KCNH7: variants seen among roughly 807,000 people sequenced by gnomAD.
The protein encoded by KCNH7 is potassium voltage-gated channel subfamily H member 7.
KCNH7 carries 49 observed loss-of-function variants against 120.8 expected under a neutral mutation model. The ratio of observed to expected loss-of-function variants is 0.41; its 90% confidence interval spans 0.32 to 0.51. KCNH7 has a LOEUF of 0.51. Ranked by LOEUF, KCNH7 falls within the 20% of genes least tolerant of loss-of-function variation. The probability of loss-of-function intolerance (pLI) is 0.38; values close to 1 mark genes in which losing one functional copy is unlikely to be tolerated. For synonymous variants in KCNH7, 547 were observed against 516.1 expected (o/e 1.06, Z -0.81); for missense variants, 1,097 against 1,446.6 (o/e 0.76, Z 3.92).
At chr2:162,802,564 A>G (rs1376973789) in intron 2 of KCNH7, among the ~76,000 whole-genome samples, 1 of 151,796 alleles carries the variant, frequency 6.6e-6, no homozygotes, top group Non-Finnish European at 1.5e-5. Context: ...TATCCAATAA[A>G]AATGGAATGT....
At chr2:162,737,057 A>G (rs372850581) in intron 2 of KCNH7, among the ~76,000 whole-genome samples, 1 of 152,124 alleles carries the variant, frequency 6.6e-6, no homozygotes, top group Non-Finnish European at 1.5e-5. Context: ...AGAAAATCTC[A>G]AAAAAGACTG....
intron 6 of KCNH7, among the ~76,000 whole-genome samples, chr2:162,456,577 C>T (rs915155425): frequency 4.0e-4 from 61 of 151,572 alleles, no homozygotes; most frequent in Non-Finnish European, 2.7e-4. Flanking sequence ...TTTTGTGTCT[C>T]GATCTGTCTA....
chr2:162,574,078 A>G (rs1004922268), intron 2 of KCNH7, among the ~76,000 whole-genome samples: 1 of 152,102 alleles, frequency 6.6e-6, no homozygotes, highest in African/African-American at 2.4e-5. Flanking sequence ...TTAGTATTTA[A>G]TGATCTAAAA....
intron 2 of KCNH7, among the ~76,000 whole-genome samples, chr2:162,752,994 A>G (rs1574343496): frequency 1.4e-5 from 2 of 141,242 alleles, no homozygotes; most frequent in African/African-American, 5.6e-5. Flanking sequence ...AAAAGAAAAG[A>G]AAAGAAAAGA....
chr2:162,819,207 TAGATA>T (rs1406094584), intron 2 of KCNH7, among the ~76,000 whole-genome samples: 8 of 152,194 alleles, frequency 5.3e-5, no homozygotes, highest in African/African-American at 1.4e-4. Context: ...TAGAGTCTAT[TAGATA>T]ATAGTATTGT....
At chr2:162,424,522 G>C (rs1687798804) in intron 8 of KCNH7, among the ~76,000 whole-genome samples, 1 of 152,144 alleles carries the variant, frequency 6.6e-6, no homozygotes, top group South Asian at 2.1e-4. Flanking sequence ...CACTGGAATA[G>C]CTATATACCA....
chr2:162,748,964 TTC>T (rs1357929998), intron 2 of KCNH7, among the ~76,000 whole-genome samples: 2 of 138,412 alleles, frequency 1.4e-5, no homozygotes, highest in African/African-American at 2.7e-5. Flanking sequence ...CCTTCCTTCC[TTC>T]CTTCCTTCCT....
chr2:162,422,975 C>T (rs1316189080), intron 9 of KCNH7, among the ~76,000 whole-genome samples: 1 of 152,090 alleles, frequency 6.6e-6, no homozygotes, highest in Non-Finnish European at 1.5e-5. Flanking sequence ...TGTTTACTTG[C>T]CAAATGTTAT....
chr2:162,513,259 C>T (rs1347206957), intron 4 of KCNH7, among the ~76,000 whole-genome samples: 6 of 122,110 alleles, frequency 4.9e-5, no homozygotes, highest in Non-Finnish European at 9.9e-5. Context: ...CCCTCTTTCC[C>T]TCCTTCCTTC....
intron 2 of KCNH7, among the ~76,000 whole-genome samples, chr2:162,694,825 C>A (rs887409083): frequency 1.3e-5 from 2 of 151,878 alleles, no homozygotes; most frequent in East Asian, 1.9e-4. Flanking sequence ...GTCACTGAAA[C>A]CTCTGCCTTC....
intron 10 of KCNH7, among the ~76,000 whole-genome samples, chr2:162,398,870 C>T (rs1686991414): frequency 6.6e-6 from 1 of 151,696 alleles, no homozygotes; most frequent in African/African-American, 2.4e-5. Flanking sequence ...TGTGTTTATT[C>T]TTTGTCAGCT....
intron 2 of KCNH7, among the ~76,000 whole-genome samples, chr2:162,762,212 G>GT (rs1235290443): frequency 8.7e-5 from 13 of 149,208 alleles, no homozygotes; most frequent in Admixed American, 4.0e-4. Flanking sequence ...TTGTTTGTTT[G>GT]TTTTTTTTCT....
rs138965180 is a variant in KCNH7, at chr2:162,640,543, A to C, written c.308-103463T>G. 2.3e-3 allele frequency among the ~76,000 whole-genome samples: 357 copies of C among 152,254 alleles called. 3 individuals are homozygous for C. The highest frequency in any genetic ancestry group is 0.01 in the Middle Eastern group (3 of 294). ...TGACCCAAGTCTCAAACCTTGTGCA[A>C]AAACTAACTCAAAATGTATCACAGG... is the stretch of plus-strand genomic sequence containing the variant. On this transcript the variant is annotated intron_variant, in intron 2 of 15. Coordinates refer to ENST00000332142, the MANE Select transcript of KCNH7 (RefSeq NM_033272.4).
At chr2:162,507,443 AT>A in intron 5 of KCNH7, among the ~76,000 whole-genome samples, 1 of 151,700 alleles carries the variant, frequency 6.6e-6, no homozygotes, top group African/African-American at 2.4e-5. Context: ...TGTAATTATT[AT>A]TTGTCTTTGG....
At chr2:162,715,055 A>G (rs552155565) in intron 2 of KCNH7, among the ~76,000 whole-genome samples, 76 of 152,176 alleles carry the variant, frequency 5.0e-4, no homozygotes, top group Non-Finnish European at 9.6e-4. Flanking sequence ...GAAGTACACT[A>G]TTTCATCCTT....
At chr2:162,557,944 T>A (rs979915409) in intron 2 of KCNH7, among the ~76,000 whole-genome samples, 2 of 152,158 alleles carry the variant, frequency 1.3e-5, no homozygotes, top group East Asian at 3.9e-4. Flanking sequence ...TTTCTGTTAA[T>A]CTTCAAAGTT....
At chr2:162,821,482 T>A (rs1428403685) in intron 2 of KCNH7, among the ~76,000 whole-genome samples, 1 of 152,230 alleles carries the variant, frequency 6.6e-6, no homozygotes, top group Admixed American at 6.5e-5. Context: ...AATGAGTGGC[T>A]ACATTTTTAA....
intron 2 of KCNH7, among the ~76,000 whole-genome samples, chr2:162,611,929 C>T (rs143321077): frequency 0.018 from 2,777 of 152,208 alleles, 263 homozygotes; most frequent in Admixed American, 0.17. Context: ...ATGGATTGGA[C>T]TTAGGAAAAT....
At chr2:162,451,329 G>A (rs1558952080) in intron 6 of KCNH7, among the ~76,000 whole-genome samples, 2 of 151,960 alleles carry the variant, frequency 1.3e-5, no homozygotes, top group South Asian at 2.1e-4. Context: ...TGGTTCAAAC[G>A]AACCAACTCT....
Sources: allele counts gnomAD v4.1 joint callset (sites outside exome capture counted in the v4.1 genomes callset), GRCh38; gene constraint gnomAD v4.1.1; transcripts MANE v1.5; gene names NCBI Gene and HGNC (gene_info 2026-07-23, HGNC 2026-07-21).